The following CADM1 variants were observed in gnomAD, a reference collection of about 807,000 sequenced individuals.
CADM1 encodes cell adhesion molecule 1, also known as TSLC-1.
A neutral mutation model predicts 53.1 loss-of-function variants in CADM1; 15 were observed. The observed-to-expected ratio is 0.28, with a 90% CI of 0.19 to 0.44. The LOEUF (loss-of-function observed/expected upper bound fraction) is 0.44. Among genes scored for constraint, CADM1 ranks in the 20% least tolerant of loss-of-function variants. The pLI, the probability that CADM1 is intolerant of heterozygous loss-of-function variation, is 1.00. For missense variants in CADM1, 434 were observed against 611.3 expected (o/e 0.71, Z 3.06); for synonymous variants, 281 against 243.0 (o/e 1.16, Z -1.45).
intron 1 of CADM1, among the ~76,000 whole-genome samples, chr11:115,342,164 A>T (rs1221082373): frequency 1.3e-5 from 2 of 152,176 alleles, no homozygotes; most frequent in East Asian, 3.9e-4. Flanking sequence ...TACCTTAAAA[A>T]TTGCGACTAC....
At chr11:115,426,837 G>T (rs1398924989) in intron 1 of CADM1, among the ~76,000 whole-genome samples, 1 of 152,164 alleles carries the variant, frequency 6.6e-6, no homozygotes, top group East Asian at 1.9e-4. Context: ...GAACTAAGAT[G>T]AAGCAGGAAG....
intron 1 of CADM1, among the ~76,000 whole-genome samples, chr11:115,480,033 T>C (rs1157214404): frequency 6.6e-6 from 1 of 152,240 alleles, no homozygotes; most frequent in African/African-American, 2.4e-5. Context: ...AATCTACTTA[T>C]CTTTAAAATT....
At chr11:115,503,079 C>G (rs1179998893) in intron 1 of CADM1, among the ~76,000 whole-genome samples, 2 of 152,172 alleles carry the variant, frequency 1.3e-5, no homozygotes, top group African/African-American at 4.8e-5. Flanking sequence ...TCGGTCCCGG[C>G]GCCCGCCTGG....
intron 1 of CADM1, among the ~76,000 whole-genome samples, chr11:115,457,200 A>G (rs1305285408): frequency 1.3e-5 from 2 of 152,224 alleles, no homozygotes; most frequent in Non-Finnish European, 2.9e-5. Context: ...ACAGAGCCAC[A>G]TAAGTGGCAG....
intron 1 of CADM1, among the ~76,000 whole-genome samples, chr11:115,289,287 C>A (rs1943813867): frequency 6.6e-6 from 1 of 152,004 alleles, no homozygotes; most frequent in African/African-American, 2.4e-5. Flanking sequence ...ATTGTTTGAA[C>A]CCGCAGGGTG....
chr11:115,348,043 T>C (rs890491659), intron 1 of CADM1, among the ~76,000 whole-genome samples: 1 of 152,212 alleles, frequency 6.6e-6, no homozygotes, highest in Admixed American at 6.5e-5. Context: ...AAGAACAGAT[T>C]ATTCATTTTT....
At chr11:115,425,020 A>G (rs780409172) in intron 1 of CADM1, among the ~76,000 whole-genome samples, 5 of 152,228 alleles carry the variant, frequency 3.3e-5, no homozygotes, top group Non-Finnish European at 7.3e-5. Context: ...TCTGTAAATT[A>G]AACAAACTTA....
intron 5 of CADM1, among the ~76,000 whole-genome samples, chr11:115,219,964 G>A (rs891404543): frequency 1.3e-5 from 2 of 152,226 alleles, no homozygotes; most frequent in Middle Eastern, 3.4e-3. Context: ...CCTAGTTAGG[G>A]GACCTCTATC....
chr11:115,304,130 T>C (rs1944303797), intron 1 of CADM1, among the ~76,000 whole-genome samples: 1 of 152,096 alleles, frequency 6.6e-6, no homozygotes, highest in Non-Finnish European at 1.5e-5. Flanking sequence ...ATGTTAGACA[T>C]GTGCAACATG....
intron 1 of CADM1, among the ~76,000 whole-genome samples, chr11:115,386,484 T>C (rs1946701227): frequency 1.3e-5 from 2 of 152,230 alleles, no homozygotes; most frequent in Admixed American, 6.5e-5. Flanking sequence ...GGCTGAAAAG[T>C]ACAGGGTCAA....
chr11:115,224,841 A>C (rs1941543624), intron 5 of CADM1, among the ~76,000 whole-genome samples: 2 of 152,146 alleles, frequency 1.3e-5, no homozygotes, highest in Admixed American at 1.3e-4. Context: ...ATTCCCTCAG[A>C]TCTGAAGCTC....
intron 8 of CADM1, among the ~76,000 whole-genome samples, chr11:115,199,798 G>A (rs984785598): frequency 6.6e-6 from 1 of 152,202 alleles, no homozygotes; most frequent in African/African-American, 2.4e-5. Flanking sequence ...GTAAGATTCT[G>A]GGTTAAACTG....
intron 1 of CADM1, among the ~76,000 whole-genome samples, chr11:115,256,106 A>T (rs1213337533): frequency 6.6e-6 from 1 of 152,224 alleles, no homozygotes; most frequent in Non-Finnish European, 1.5e-5. Context: ...ATAGAGAAAT[A>T]AAGCAAGTGT....
chr11:115,436,348 A>G (rs951482410), intron 1 of CADM1, among the ~76,000 whole-genome samples: 4 of 152,184 alleles, frequency 2.6e-5, no homozygotes, highest in African/African-American at 9.7e-5. Flanking sequence ...TCCTGAAAAC[A>G]CAATTCACCT....
chr11:115,438,830 A>G (rs549270505), intron 1 of CADM1, among the ~76,000 whole-genome samples: 1 of 152,324 alleles, frequency 6.6e-6, no homozygotes, highest in East Asian at 1.9e-4. Context: ...ATCCTCAAAT[A>G]TATCACTGCC....
intron 8 of CADM1, among the ~76,000 whole-genome samples, chr11:115,206,514 A>C (rs756964628): frequency 6.6e-6 from 1 of 152,348 alleles, no homozygotes; most frequent in Non-Finnish European, 1.5e-5. Flanking sequence ...CAGGCGACTC[A>C]GAACAGAATG....
At chr11:115,490,392 A>ATTTTTTTTTT (rs35633504) in intron 1 of CADM1, among the ~76,000 whole-genome samples, 1 of 109,330 alleles carries the variant, frequency 9.1e-6, no homozygotes, top group Non-Finnish European at 1.8e-5. Context: ...GGAAGAACAG[A>ATTTTTTTTTT]TTTTTTTTTT....
intron 1 of CADM1, among the ~76,000 whole-genome samples, chr11:115,255,423 G>C (rs1942753600): frequency 6.6e-6 from 1 of 152,170 alleles, no homozygotes; most frequent in Non-Finnish European, 1.5e-5. Context: ...TAAAAATGCA[G>C]AATCTCAAAC....
At position 115,419,990 on chromosome 11, in the gene CADM1, C is replaced by T. The variant is rs143845593; in HGVS notation, c.124+84281G>A. Reference sequence around the variant, plus strand: ...TGGTCCAGAACCTCATGCTCTCCTCCATTGTTAACTTGAGACACATGTGAG... The same window carrying T: ...TGGTCCAGAACCTCATGCTCTCCTCTATTGTTAACTTGAGACACATGTGAG... On this transcript the variant is annotated intron_variant, in intron 1 of 11. Coordinates refer to ENST00000331581, the MANE Select transcript of CADM1 (RefSeq NM_001301043.2). 4.9e-3 allele frequency among the ~76,000 whole-genome samples: 751 copies of T among 152,266 alleles called. 6 individuals are homozygous for T. Among genetic ancestry groups the T allele is most frequent in the African/African-American group, 0.017 (711 of 41,552 alleles).
Sources: allele counts gnomAD v4.1 joint callset (sites outside exome capture counted in the v4.1 genomes callset), GRCh38; gene constraint gnomAD v4.1.1; transcripts MANE v1.5; gene names NCBI Gene and HGNC (gene_info 2026-07-23, HGNC 2026-07-21).